The following KIAA1328 variants were observed in gnomAD, a reference collection of about 807,000 sequenced individuals.
KIAA1328 encodes the protein KIAA1328, also known as protein hinderin.
KIAA1328 carries 52 observed loss-of-function variants against 68.1 expected under a neutral mutation model. The ratio of observed to expected loss-of-function variants is 0.76; its 90% confidence interval spans 0.61 to 0.96. The LOEUF (loss-of-function observed/expected upper bound fraction) is 0.96, where lower values mean the gene tolerates loss of function less well. Among genes scored for constraint, KIAA1328 ranks in the 40% least tolerant of loss-of-function variants. The probability of loss-of-function intolerance (pLI) is 0.00; values close to 1 mark genes in which losing one functional copy is unlikely to be tolerated. For synonymous variants in KIAA1328, 232 were observed against 239.4 expected (o/e 0.97, Z 0.28); for missense variants, 641 against 677.6 (o/e 0.95, Z 0.60).
intron 6 of KIAA1328, among the ~76,000 whole-genome samples, chr18:37,029,773 G>A (rs767949066): frequency 2.8e-4 from 42 of 152,168 alleles, no homozygotes; most frequent in Admixed American, 1.1e-3. Context: ...TCCTTTTTCC[G>A]TATTCTCAGT....
chr18:37,150,120 T>C (rs1032854971), intron 7 of KIAA1328, among the ~76,000 whole-genome samples: 5 of 152,170 alleles, frequency 3.3e-5, no homozygotes, highest in Non-Finnish European at 5.9e-5. Flanking sequence ...GTTAAGAACT[T>C]TCCCATAAGT....
intron 7 of KIAA1328, among the ~76,000 whole-genome samples, chr18:37,129,963 T>C (rs1442876408): frequency 6.6e-6 from 1 of 152,070 alleles, no homozygotes; most frequent in Non-Finnish European, 1.5e-5. Context: ...AAATAAAGGG[T>C]TCAGTATGTT....
chr18:37,066,477 G>A (rs762003704), intron 6 of KIAA1328, among the ~76,000 whole-genome samples: 16 of 151,510 alleles, frequency 1.1e-4, no homozygotes, highest in Non-Finnish European at 1.9e-4. Flanking sequence ...GTCTCATGCT[G>A]TGTAATGGCC....
At chr18:36,896,561 A>C (rs563543841) in intron 5 of KIAA1328, among the ~76,000 whole-genome samples, 1 of 152,268 alleles carries the variant, frequency 6.6e-6, no homozygotes, top group East Asian at 1.9e-4. Flanking sequence ...ACCCACATGT[A>C]AATAAGCTCA....
chr18:36,832,358 A>G (rs943887443), intron 1 of KIAA1328, among the ~76,000 whole-genome samples: 2 of 152,090 alleles, frequency 1.3e-5, no homozygotes, highest in Non-Finnish European at 2.9e-5. Flanking sequence ...AGGCCAAAGC[A>G]GGTGGATCAC....
chr18:37,097,154 C>A lies in KIAA1328; in HGVS notation c.1232+29609C>A, dbSNP rs323317. On this transcript the variant is annotated intron_variant, in intron 7 of 9. Transcript: ENST00000280020. ...TTAGACATGAAGTCCTTGCCCATGCCTATGTCCTGAATGGTATTGCCTAGG... is the reference window on the plus strand; with the variant it reads ...TTAGACATGAAGTCCTTGCCCATGCATATGTCCTGAATGGTATTGCCTAGG... Among the ~76,000 whole-genome samples the A allele has an allele frequency of 5.2e-3, 797 of 152,088 alleles. 11 individuals are homozygous for A. The highest frequency in any genetic ancestry group is 0.018 in the African/African-American group (743 of 41,488).
chr18:36,888,194 G>A (rs529464155), intron 5 of KIAA1328, among the ~76,000 whole-genome samples: 1 of 152,046 alleles, frequency 6.6e-6, no homozygotes, highest in Admixed American at 6.5e-5. Context: ...TACTACTGTG[G>A]GCCACATCCA....
chr18:37,154,871 G>C (rs2059120475), intron 7 of KIAA1328, among the ~76,000 whole-genome samples: 1 of 152,030 alleles, frequency 6.6e-6, no homozygotes, highest in Admixed American at 6.6e-5. Context: ...TTTTCTGCCA[G>C]TCTTTTCAGT....
Position 37,224,263 on chromosome 18 carries a change from C to T in KIAA1328, c.*2036C>T, listed in dbSNP as rs2060610976. Reference sequence around the variant, plus strand: ...GATGCCAGAGGATCAAGAAAAGGATCACAGTTTCTTGAAGAAGCTTGTTTG... The same window carrying T: ...GATGCCAGAGGATCAAGAAAAGGATTACAGTTTCTTGAAGAAGCTTGTTTG... On this transcript the variant is annotated 3_prime_UTR_variant, in exon 10 of 10. Transcript: ENST00000280020. The T allele has an allele frequency of 1.0e-6, 1 of 985,408 alleles. No homozygotes were observed. The highest frequency in any genetic ancestry group is 1.2e-6 in the Non-Finnish European group (1 of 829,918). 61.0% of individuals were successfully genotyped at this position (985,408 alleles called of 1,614,324 possible).
At chr18:37,202,132 T>C (rs949418067) in intron 9 of KIAA1328, among the ~76,000 whole-genome samples, 1 of 134,036 alleles carries the variant, frequency 7.5e-6, no homozygotes, top group Non-Finnish European at 1.5e-5. Flanking sequence ...GAAAGGTAAA[T>C]GCTTCCATTT....
At chr18:36,867,244 CT>C (rs982140454) in intron 4 of KIAA1328, among the ~76,000 whole-genome samples, 1 of 152,146 alleles carries the variant, frequency 6.6e-6, no homozygotes, top group African/African-American at 2.4e-5. Context: ...AATGGTTTAG[CT>C]TTTAAACAAC....
rs904941777 is a variant in KIAA1328, at chr18:36,987,824, G to GT, written c.576+28398dup. Among the ~76,000 whole-genome samples the GT allele has an allele frequency of 1.4e-3, 212 of 149,038 alleles. 2 individuals are homozygous for GT. In the East Asian group the frequency reaches 0.015, roughly 10 times the overall value. On this transcript the variant is annotated intron_variant, in intron 6 of 9. Transcript: ENST00000280020. ...ATGTCAGTCATATCTCAGTAATGCTGTTTTTTTTTGTTTTTGTTTTTTTAA... is the reference window on the plus strand; with the variant it reads ...ATGTCAGTCATATCTCAGTAATGCTGTTTTTTTTTTGTTTTTGTTTTTTTAA...
chr18:37,149,261 C>T (rs557813436), intron 7 of KIAA1328, among the ~76,000 whole-genome samples: 107 of 152,234 alleles, frequency 7.0e-4, no homozygotes, highest in Middle Eastern at 3.4e-3. Context: ...TAAGACCACA[C>T]ATCTACAACC....
intron 6 of KIAA1328, among the ~76,000 whole-genome samples, chr18:37,004,461 A>G (rs750051355): frequency 1.6e-4 from 24 of 152,202 alleles, no homozygotes; most frequent in East Asian, 1.9e-4. Flanking sequence ...TGAATAGACA[A>G]TTCTCAAAAG....
chr18:37,102,910 A>C (rs2057664815), intron 7 of KIAA1328, among the ~76,000 whole-genome samples: 1 of 152,226 alleles, frequency 6.6e-6, no homozygotes, highest in African/African-American at 2.4e-5. Flanking sequence ...ATTGAAAAAG[A>C]AATCAAGAAA....
intron 3 of KIAA1328, among the ~76,000 whole-genome samples, chr18:36,841,315 TA>T (rs981562851): frequency 6.6e-6 from 1 of 151,796 alleles, no homozygotes; most frequent in African/African-American, 2.4e-5. Flanking sequence ...ACATGTAGTG[TA>T]AAGTAAGATT....
At chr18:37,153,511 C>T (rs920719750) in intron 7 of KIAA1328, among the ~76,000 whole-genome samples, 5 of 151,508 alleles carry the variant, frequency 3.3e-5, no homozygotes, top group South Asian at 2.1e-4. Flanking sequence ...TCTGTATAAA[C>T]GCATGTTTTT....
At chr18:37,117,694 C>T (rs1407098333) in intron 7 of KIAA1328, among the ~76,000 whole-genome samples, 4 of 151,932 alleles carry the variant, frequency 2.6e-5, no homozygotes, top group African/African-American at 9.7e-5. Context: ...TACAACTATC[C>T]TGTATACTCC....
intron 4 of KIAA1328, among the ~76,000 whole-genome samples, chr18:36,855,305 C>T (rs754477490): frequency 2.6e-5 from 4 of 152,194 alleles, no homozygotes; most frequent in Non-Finnish European, 4.4e-5. Flanking sequence ...TCTTCACATG[C>T]TTGCCAACAC....
Sources: allele counts gnomAD v4.1 joint callset (sites outside exome capture counted in the v4.1 genomes callset), GRCh38; gene constraint gnomAD v4.1.1; transcripts MANE v1.5; gene names NCBI Gene and HGNC (gene_info 2026-07-23, HGNC 2026-07-21).